The following B4GALNT2 variants were observed in gnomAD, a reference collection of about 807,000 sequenced individuals.
B4GALNT2 encodes the protein beta-1,4-N-acetyl-galactosaminyltransferase 2 (SID blood group).
Under a neutral mutation model 51.1 loss-of-function variants are expected in B4GALNT2, and 42 were observed. The observed-to-expected ratio is 0.82, with a 90% confidence interval of 0.64 to 1.06. The LOEUF (loss-of-function observed/expected upper bound fraction) is 1.06. B4GALNT2 is among the 50% of genes least tolerant of loss of function. The pLI, the probability that B4GALNT2 is intolerant of heterozygous loss-of-function variation, is 0.00. For synonymous variants in B4GALNT2, 253 were observed against 251.7 expected (o/e 1.01, Z -0.05); for missense variants, 602 against 633.6 (o/e 0.95, Z 0.54).
intron 1 of B4GALNT2, among the ~76,000 whole-genome samples, chr17:49,133,788 C>A (rs981971076): frequency 6.6e-6 from 1 of 152,144 alleles, no homozygotes; most frequent in Non-Finnish European, 1.5e-5. Flanking sequence ...TGGCAAGTGC[C>A]TGTAATCCCA....
chr17:49,176,713 C>CAG lies in B4GALNT2; in HGVS notation c.*6985_*6986insAG, dbSNP rs2042991436. ...ACAGCAGATTCTATGACCACTTCAG[C>CAG]CCTGCCTTTACAGTTTCTGTTTACC... On this transcript the variant is annotated 3_prime_UTR_variant, in exon 11 of 11. Coordinates refer to ENST00000393354, the MANE Select transcript of B4GALNT2 (RefSeq NM_001159387.2). The CAG allele has an allele frequency of 1.3e-5, 2 of 152,218 alleles. No individual in the cohort carries two copies. Among genetic ancestry groups the CAG allele is most frequent in the African/African-American group, 2.4e-5 (1 of 41,460 alleles). The allele number at this position is 152,218 out of a possible 1,614,324, so 9.4% of individuals were successfully genotyped here.
At chr17:49,136,798 C>A (rs945998722) in intron 1 of B4GALNT2, among the ~76,000 whole-genome samples, 27 of 152,160 alleles carry the variant, frequency 1.8e-4, no homozygotes, top group African/African-American at 6.5e-4. Flanking sequence ...CTGCCTGTCT[C>A]GGCCTCCCAA....
At chr17:49,147,370 C>CTTTTTTTTTTTTTTTTTTT (rs1216908911) in intron 3 of B4GALNT2, among the ~76,000 whole-genome samples, 1 of 144,214 alleles carries the variant, frequency 6.9e-6, no homozygotes, top group African/African-American at 2.6e-5. Flanking sequence ...CTTTTCTTTT[C>CTTTTTTTTTTTTTTTTTTT]TTTCTTTCTT....
intron 4 of B4GALNT2, 70 bp downstream of exon 4, chr17:49,152,976 G>T: frequency 7.3e-7 from 1 of 1,361,132 alleles, no homozygotes; most frequent in Non-Finnish European, 1.0e-6. Flanking sequence ...GGAGGGAGAG[G>T]TCGGGTGCAG....
In B4GALNT2 at chr17:49,145,177, C is replaced by T. The variant is rs935063369; in HGVS notation, c.353+3005C>T. Among the ~76,000 whole-genome samples the T allele has an allele frequency of 1.3e-5, 2 of 152,100 alleles. 1 individual carries two copies. The highest frequency in any genetic ancestry group is 2.9e-5 in the Non-Finnish European group (2 of 68,018). On this transcript the variant is annotated intron_variant, in intron 3 of 10. Transcript: ENST00000393354. ...ACATTTAGTATTAACCAGCACAAGT[C>T]CACCCCTTGTCAACTTGAACCCATA...
chr17:49,172,746 C>T lies in B4GALNT2; in HGVS notation c.*3018C>T, dbSNP rs1386014020. 1 of 152,124 alleles carries T rather than the reference C, an allele frequency of 6.6e-6. No individual in the cohort carries two copies. The highest frequency in any genetic ancestry group is 1.5e-5 in the Non-Finnish European group (1 of 68,014). The allele number at this position is 152,124 out of a possible 1,614,324, so 9.4% of individuals were successfully genotyped here. A position where few individuals can be genotyped will look rare whatever the true frequency, so the allele number is the denominator to read the frequency against. ...TTAATAGAAGCTGGAATGCCCATCA[C>T]CGCAAAACACTGCAAAAGGTGACGT... On this transcript the variant is annotated 3_prime_UTR_variant, in exon 11 of 11. Transcript: ENST00000393354.
chr17:49,156,836 G>T (rs985264553), intron 5 of B4GALNT2, among the ~76,000 whole-genome samples: 29 of 152,346 alleles, frequency 1.9e-4, no homozygotes, highest in African/African-American at 6.7e-4. Context: ...ACTGGCTGCT[G>T]CTGCTTCTGG....
At chr17:49,160,246 G>T in intron 6 of B4GALNT2, among the ~76,000 whole-genome samples, 1 of 152,192 alleles carries the variant, frequency 6.6e-6, no homozygotes, top group East Asian at 1.9e-4. Flanking sequence ...TTTGCAGACA[G>T]ATAAAAAAAT....
chr17:49,153,814 GATTTC>G (rs2042782286), intron 4 of B4GALNT2, among the ~76,000 whole-genome samples: 1 of 151,722 alleles, frequency 6.6e-6, no homozygotes, highest in South Asian at 2.1e-4. Context: ...GGCTTGATGT[GATTTC>G]ATTTCATGTT....
At chr17:49,161,463 C>T (rs987378834) in intron 7 of B4GALNT2, among the ~76,000 whole-genome samples, 2 of 151,844 alleles carry the variant, frequency 1.3e-5, no homozygotes, top group South Asian at 2.1e-4. Context: ...ACTCAGGAGG[C>T]GGAGATGGGA....
chr17:49,160,412 A>C (rs2042852215), intron 6 of B4GALNT2, 143 bp from the exon 7 acceptor site: 1 of 766,022 alleles, frequency 1.3e-6, no homozygotes, highest in East Asian at 2.5e-5. Context: ...AATGCCAGAG[A>C]CTCTATGGGG....
chr17:49,172,951 A>G lies in B4GALNT2; in HGVS notation c.*3223A>G, dbSNP rs2042966517. ...TAACTCCTCCTGTAAAAGATGAGGA[A>G]TGCACCATTTGGCAAGTTGGGCATC... On this transcript the variant is annotated 3_prime_UTR_variant, in exon 11 of 11. Transcript: ENST00000393354. The G allele has an allele frequency of 6.6e-6, 1 of 152,248 alleles. No individual in the cohort carries two copies. The highest frequency in any genetic ancestry group is 2.4e-5 in the African/African-American group (1 of 41,468). 9.4% of individuals were successfully genotyped at this position (152,248 alleles called of 1,614,324 possible).
chr17:49,159,006 A>G (rs377719029), intron 5 of B4GALNT2, 31 bp from the exon 6 acceptor site: 1 of 1,606,138 alleles, frequency 6.2e-7, no homozygotes, highest in African/African-American at 1.3e-5. Context: ...CAATCCCTGC[A>G]TTGAGCATCA....
At chr17:49,142,519 C>A (rs549177755) in intron 3 of B4GALNT2, among the ~76,000 whole-genome samples, 1 of 145,562 alleles carries the variant, frequency 6.9e-6, no homozygotes, top group East Asian at 2.2e-4. Flanking sequence ...GTGAGACCCC[C>A]ATCTCTACAA....
At chr17:49,158,160 G>C (rs1307192110) in intron 5 of B4GALNT2, among the ~76,000 whole-genome samples, 1 of 152,166 alleles carries the variant, frequency 6.6e-6, no homozygotes, top group Non-Finnish European at 1.5e-5. Flanking sequence ...TGGAACAACT[G>C]AGTGGATGGA....
rs1193359899 is a variant in B4GALNT2, at chr17:49,176,051, A to G, written c.*6323A>G. ...ACGCACCAGAGCCCACACTTGTCCCATTGTTACCCTGATGTTTCCGAGCTC... is the reference window on the plus strand; with the variant it reads ...ACGCACCAGAGCCCACACTTGTCCCGTTGTTACCCTGATGTTTCCGAGCTC... On this transcript the variant is annotated 3_prime_UTR_variant, in exon 11 of 11. Coordinates refer to ENST00000393354, the MANE Select transcript of B4GALNT2 (RefSeq NM_001159387.2). 2.6e-5 allele frequency: 4 copies of G among 152,158 alleles called. No homozygotes were observed. The highest frequency in any genetic ancestry group is 5.9e-5 in the Non-Finnish European group (4 of 68,038). The allele number at this position is 152,158 out of a possible 1,614,324, so 9.4% of individuals were successfully genotyped here.
In B4GALNT2 at chr17:49,174,236, A is replaced by G. The variant is rs2042974518; in HGVS notation, c.*4508A>G. On this transcript the variant is annotated 3_prime_UTR_variant, in exon 11 of 11. Coordinates refer to ENST00000393354, the MANE Select transcript of B4GALNT2 (RefSeq NM_001159387.2). ...TCTCGAGTGGGGGGCAGCACAAAGT[A>G]TATCGTCCATATAATGAATAATGTA... 1 of 152,226 alleles carries G rather than the reference A, an allele frequency of 6.6e-6. No individual in the cohort carries two copies. Among genetic ancestry groups the G allele is most frequent in the Non-Finnish European group, 1.5e-5 (1 of 68,048 alleles). The allele number at this position is 152,226 out of a possible 1,614,324, so 9.4% of individuals were successfully genotyped here.
intron 5 of B4GALNT2, among the ~76,000 whole-genome samples, chr17:49,157,635 T>A (rs2042823323): frequency 6.6e-6 from 1 of 152,038 alleles, no homozygotes; most frequent in South Asian, 2.1e-4. Flanking sequence ...ACTTATTTTT[T>A]ATTTTTAGTA....
chr17:49,152,327 G>A (rs574455980), intron 3 of B4GALNT2, among the ~76,000 whole-genome samples: 2 of 152,302 alleles, frequency 1.3e-5, no homozygotes, highest in South Asian at 2.1e-4. Context: ...GCTGCGAGCC[G>A]TGATTGTGCC....
Sources: gnomAD v4.1 joint callset for allele counts (sites outside exome capture counted in the v4.1 genomes callset) on GRCh38, gnomAD v4.1.1 for gene constraint, MANE v1.5 for transcripts, NCBI Gene and HGNC (gene_info 2026-07-23, HGNC 2026-07-21) for gene names.